The following DGKD variants were observed in gnomAD, a reference collection of about 807,000 sequenced individuals.
DGKD encodes the protein diacylglycerol kinase delta.
DGKD carries 68 observed loss-of-function variants against 154.4 expected under a neutral mutation model. The observed-to-expected ratio is 0.44, with a 90% CI of 0.36 to 0.54. DGKD has a LOEUF of 0.54. Among genes scored for constraint, DGKD ranks in the 20% least tolerant of loss-of-function variants. The pLI, the probability that DGKD is intolerant of heterozygous loss-of-function variation, is 0.00. For missense variants in DGKD, 1,343 were observed against 1,593.6 expected, an observed-to-expected ratio of 0.84 and a Z score of 2.68; for synonymous variants, 693 against 638.0, an observed-to-expected ratio of 1.09 and a Z score of -1.30.
At chr2:233,368,498 C>G (rs531986114) in intron 1 of DGKD, among the ~76,000 whole-genome samples, 1 of 152,092 alleles carries the variant, frequency 6.6e-6, no homozygotes, top group African/African-American at 2.4e-5. Flanking sequence ...GGCGACAGAG[C>G]GAGACTCCAT....
intron 12 of DGKD, 143 bp downstream of exon 12, chr2:233,446,939 T>G: frequency 1.1e-6 from 1 of 942,938 alleles, no homozygotes; most frequent in Non-Finnish European, 1.6e-6. Context: ...AGGCGCAGGG[T>G]GAACCCATGG....
At chr2:233,461,210 G>A (rs1197633232) in intron 24 of DGKD, among the ~76,000 whole-genome samples, 1 of 152,212 alleles carries the variant, frequency 6.6e-6, no homozygotes, top group Admixed American at 6.5e-5. Context: ...GCCGGTGCGG[G>A]GCCTGCCTGC....
Position 233,437,394 on chromosome 2 carries a change from A to G in DGKD, c.837A>G (p.Lys279=), listed in dbSNP as rs761405794. Residue 279 remains lysine, a synonymous_variant, in exon 8 of 30, where the codon AAA becomes AAG. Coordinates refer to ENST00000264057, the MANE Select transcript of DGKD (RefSeq NM_152879.3). ...TGTTTCAGGTTCACACATCGTGTAA[A>G]GAATCCTTGCTGACCAAGTGCCCAC... The part of the protein sequence containing the change: ...WCKAMVHTSC[K]ESLLTKCPLG... The G allele has an allele frequency of 1.9e-6, 3 of 1,614,098 alleles. No individual in the cohort carries two copies. In the East Asian group the frequency reaches 6.7e-5, roughly 36 times the overall value.
intron 1 of DGKD, among the ~76,000 whole-genome samples, chr2:233,368,749 A>G (rs1702166324): frequency 6.6e-6 from 1 of 152,202 alleles, no homozygotes; most frequent in South Asian, 2.1e-4. Context: ...GTGTTTTACA[A>G]TCAGTTACAG....
chr2:233,446,368 G>T (rs1018543743), intron 11 of DGKD, among the ~76,000 whole-genome samples: 1 of 152,208 alleles, frequency 6.6e-6, no homozygotes, highest in Non-Finnish European at 1.5e-5. Context: ...TCCTCTGTGT[G>T]CCTTGGGGCC....
At chr2:233,416,406 G>T (rs838737) in intron 3 of DGKD, among the ~76,000 whole-genome samples, 1 of 151,912 alleles carries the variant, frequency 6.6e-6, no homozygotes, top group Non-Finnish European at 1.5e-5. Context: ...TGATTGTTCT[G>T]CCTTGGCCAC....
chr2:233,440,098 G>A lies in DGKD; in HGVS notation c.1085+1719G>A, dbSNP rs78539532. ...AGCAAAACCCCATGTTTCGTAGTGG[G>A]AGTTAAGTATGAGATGGGATGATTT... is the stretch of plus-strand genomic sequence containing the variant. On this transcript the variant is annotated intron_variant, in intron 9 of 29. Transcript: ENST00000264057. The surrounding 1 kb of genome is among the most constrained non-coding windows in gnomAD (Gnocchi z 4.9). Among the ~76,000 whole-genome samples the A allele has an allele frequency of 7.2e-3, 1,099 of 152,250 alleles. 11 individuals carry two copies. The highest frequency in any genetic ancestry group is 0.025 in the African/African-American group (1,024 of 41,538).
chr2:233,380,685 G>A (rs113558707), intron 1 of DGKD, among the ~76,000 whole-genome samples: 2 of 152,062 alleles, frequency 1.3e-5, no homozygotes, highest in African/African-American at 4.8e-5. Flanking sequence ...TGTGTGGGGG[G>A]GTGTTAACAC....
At chr2:233,418,308 A>G (rs1450596126) in intron 3 of DGKD, among the ~76,000 whole-genome samples, 2 of 152,160 alleles carry the variant, frequency 1.3e-5, no homozygotes, top group Admixed American at 1.3e-4. Flanking sequence ...CACCAGCTCT[A>G]CATCTGGGGT....
chr2:233,415,407 C>T (rs1174810865), intron 3 of DGKD, among the ~76,000 whole-genome samples: 3 of 152,168 alleles, frequency 2.0e-5, no homozygotes, highest in Non-Finnish European at 4.4e-5. Context: ...AACCACTCTC[C>T]CCGGTGATGT....
rs896749700 is a variant in DGKD, at chr2:233,450,925, C to G, written c.2042C>G (p.Ser681Trp). 3 of 1,600,184 alleles carry G rather than the reference C, an allele frequency of 1.9e-6. No homozygotes were observed. The highest frequency in any genetic ancestry group is 2.7e-5 in the African/African-American group (2 of 74,688). Residue 681 changes from serine to tryptophan, a missense_variant, in exon 17 of 30, where the codon TCG becomes TGG. Physicochemically the swap from Ser to Trp is radical, Grantham distance 177 (BLOSUM62 -3). Coordinates refer to ENST00000264057, the MANE Select transcript of DGKD (RefSeq NM_152879.3). ...VPKGRSQRKV[S>W]KSPCEKLISK... is the part of the protein sequence containing the mutation. ...GTTTTCTGCTGTGTTGTTACAGTGT[C>G]GAAATCTCCGTGTGAAAAGCTGATC...
chr2:233,358,342 G>A (rs1315405527), intron 1 of DGKD, among the ~76,000 whole-genome samples: 1 of 152,200 alleles, frequency 6.6e-6, no homozygotes, highest in Non-Finnish European at 1.5e-5. Flanking sequence ...GCATGAAAGT[G>A]CTTGGATTCC....
intron 24 of DGKD, among the ~76,000 whole-genome samples, chr2:233,461,837 C>T (rs1457098631): frequency 1.3e-5 from 2 of 152,266 alleles, no homozygotes; most frequent in African/African-American, 4.8e-5. Context: ...CTCAGCCTCC[C>T]TGGGACCTGG....
rs201489744 is a variant in DGKD at position 233,449,951 on chromosome 2, G to C, written c.1889-31G>C. 19 of 1,548,574 alleles carry C rather than the reference G, an allele frequency of 1.2e-5. No homozygotes were observed. The highest frequency in any genetic ancestry group is 3.7e-5 in the South Asian group (3 of 81,478). ...ACAGCGCCCTTGGCTTTGCACCCGC[G>C]TGCTCAGCCGCACACACTCTCCTTG... is the stretch of plus-strand genomic sequence containing the variant. On this transcript the variant is annotated intron_variant, in intron 15 of 29. Coordinates refer to ENST00000264057, the MANE Select transcript of DGKD (RefSeq NM_152879.3). This position sits in a 1 kb window ranked among gnomAD's most constrained non-coding sequence, Gnocchi z 5.3.
chr2:233,410,688 C>T (rs182542504), intron 3 of DGKD, among the ~76,000 whole-genome samples: 1 of 152,310 alleles, frequency 6.6e-6, no homozygotes, highest in East Asian at 1.9e-4. Flanking sequence ...TATTCTAATA[C>T]ATGAAAACCA....
intron 3 of DGKD, among the ~76,000 whole-genome samples, chr2:233,417,308 CAGTCATG>C (rs1362374937): frequency 3.3e-5 from 5 of 152,212 alleles, no homozygotes; most frequent in Non-Finnish European, 5.9e-5. Context: ...GCTGGGATTA[CAGTCATG>C]AGCCCCTGCG....
At chr2:233,371,947 C>T (rs966588812) in intron 1 of DGKD, among the ~76,000 whole-genome samples, 22 of 152,340 alleles carry the variant, frequency 1.4e-4, no homozygotes, top group African/African-American at 4.6e-4. Context: ...GAGACATTTA[C>T]ATATTTAAAG....
At chr2:233,435,793 G>A in intron 5 of DGKD, 25 bp from the exon 6 acceptor site, 1 of 1,603,660 alleles carries the variant, frequency 6.2e-7, no homozygotes, top group South Asian at 1.1e-5. Flanking sequence ...ACAGCTTGTA[G>A]GCTCATGTGC....
intron 19 of DGKD, 121 bp downstream of exon 19, chr2:233,454,994 A>G: frequency 3.2e-6 from 2 of 628,666 alleles, no homozygotes; most frequent in East Asian, 2.9e-5. Context: ...GGCGGGGGGC[A>G]GAAATGGAGC....
Sources: allele counts gnomAD v4.1 joint callset (sites outside exome capture counted in the v4.1 genomes callset), GRCh38; gene constraint gnomAD v4.1.1; non-coding constraint Gnocchi (gnomAD v3.1); transcripts MANE v1.5; gene names NCBI Gene and HGNC (gene_info 2026-07-23, HGNC 2026-07-21).